The following PCBD2 variants were observed in gnomAD, a reference collection of about 807,000 sequenced individuals.
The protein encoded by PCBD2 is pterin-4 alpha-carbinolamine dehydratase 2.
PCBD2 carries 12 observed loss-of-function variants against 16.4 expected under a neutral mutation model. The ratio of observed to expected loss-of-function variants is 0.73; its 90% CI spans 0.47 to 1.19. The LOEUF (loss-of-function observed/expected upper bound fraction) is 1.19, where lower values mean the gene tolerates loss of function less well. Among genes scored for constraint, PCBD2 ranks in the 50% most tolerant of loss-of-function variants. PCBD2 has a pLI of 0.00. For synonymous variants in PCBD2, 58 were observed against 61.8 expected, an observed-to-expected ratio of 0.94 and a Z score of 0.29; for missense variants, 138 against 156.8, an observed-to-expected ratio of 0.88 and a Z score of 0.64.
At chr5:134,946,361 C>T (rs1372987870) in intron 2 of PCBD2, among the ~76,000 whole-genome samples, 1 of 152,138 alleles carries the variant, frequency 6.6e-6, no homozygotes, top group Non-Finnish European at 1.5e-5. Context: ...TGCTGGGCTT[C>T]TTGCTTGACA....
At chr5:134,908,638 C>G (rs1381104537) in intron 1 of PCBD2, among the ~76,000 whole-genome samples, 3 of 146,536 alleles carry the variant, frequency 2.0e-5, no homozygotes, top group Non-Finnish European at 4.5e-5. Flanking sequence ...GCACTCCAGC[C>G]TGGGTGACAG....
chr5:134,931,587 T>A (rs886652991), intron 2 of PCBD2, among the ~76,000 whole-genome samples: 1 of 152,206 alleles, frequency 6.6e-6, no homozygotes, highest in African/African-American at 2.4e-5. Flanking sequence ...TTAAAGAGCT[T>A]GCTCAAACTT....
intron 2 of PCBD2, among the ~76,000 whole-genome samples, chr5:134,954,149 TAGGGTCTCAC>T (rs1751390119): frequency 6.6e-6 from 1 of 152,104 alleles, no homozygotes; most frequent in Admixed American, 6.5e-5. Context: ...TTTGTAGAGA[TAGGGTCTCAC>T]TATGTTTCCC....
At chr5:134,949,119 C>T (rs1751331676) in intron 2 of PCBD2, among the ~76,000 whole-genome samples, 1 of 152,090 alleles carries the variant, frequency 6.6e-6, no homozygotes, top group African/African-American at 2.4e-5. Context: ...AGGCCTTTAG[C>T]CCCACTTCCT....
At chr5:134,954,501 C>T (rs559413191) in intron 2 of PCBD2, among the ~76,000 whole-genome samples, 2 of 152,162 alleles carry the variant, frequency 1.3e-5, no homozygotes, top group Non-Finnish European at 2.9e-5. Flanking sequence ...TATAGTTTCT[C>T]CATTCATCTC....
At chr5:134,919,888 T>C (rs903724683) in intron 2 of PCBD2, among the ~76,000 whole-genome samples, 1 of 152,190 alleles carries the variant, frequency 6.6e-6, no homozygotes, top group African/African-American at 2.4e-5. Context: ...TCCATAGTTG[T>C]GGTGCTTTAG....
chr5:134,925,290 G>A (rs143470238), intron 2 of PCBD2: 4 of 398,428 alleles, frequency 1.0e-5, no homozygotes, highest in African/African-American at 2.1e-5. Flanking sequence ...GGTCTTTGGA[G>A]TAGAAACCTG....
chr5:134,951,797 C>A (rs1751360664), intron 2 of PCBD2, among the ~76,000 whole-genome samples: 1 of 151,960 alleles, frequency 6.6e-6, no homozygotes, highest in Non-Finnish European at 1.5e-5. Context: ...TCTATTATGT[C>A]CTTTGCTCAT....
chr5:134,960,647 C>T lies in PCBD2; in HGVS notation c.359C>T (p.Ala120Val), dbSNP rs750736005. The change falls in exon 4 of 4, where the codon GCC becomes GTC. Residue 120 changes from alanine (A) to valine (V), a missense_variant. Transcript: ENST00000254908. ...GELTKKDVKL[A>V]KFIEKAAASV ...CTGACCAAAAAAGATGTGAAGCTGG[C>T]CAAGTTTATTGAAAAAGCAGCTGCT... 4.3e-6 allele frequency: 7 copies of T among 1,613,226 alleles called. No individual in the cohort carries two copies. Among genetic ancestry groups the T allele is most frequent in the Non-Finnish European group, 5.9e-6 (7 of 1,179,258 alleles).
chr5:134,960,712 C>CAT lies in PCBD2; in HGVS notation c.*32_*33insTA. ...TCCAAAATACATGTAAAATCTTGTA[C>CAT]ACATCTTAGCTGCAATGTATGTTGA... is the stretch of plus-strand genomic sequence containing the variant. On this transcript the variant is annotated 3_prime_UTR_variant, in exon 4 of 4. Coordinates refer to ENST00000254908, the MANE Select transcript of PCBD2 (RefSeq NM_032151.5). 1 of 1,487,718 alleles carries CAT rather than the reference C, an allele frequency of 6.7e-7. No homozygotes were observed. Among genetic ancestry groups the CAT allele is most frequent in the South Asian group, 1.2e-5 (1 of 86,758 alleles). The allele number at this position is 1,487,718 out of a possible 1,614,324, so 92.2% of individuals were successfully genotyped here. A position where few individuals can be genotyped will look rare whatever the true frequency, so the allele number is the denominator to read the frequency against.
Position 134,905,206 on chromosome 5 carries a change from C to T in PCBD2, c.67C>T (p.Leu23=), listed in dbSNP as rs1561904627. The T allele has an allele frequency of 4.9e-6, 6 of 1,224,270 alleles. No homozygotes were observed. Among genetic ancestry groups the T allele is most frequent in the Non-Finnish European group, 6.1e-6 (6 of 983,380 alleles). The allele number at this position is 1,224,270 out of a possible 1,614,324, so 75.8% of individuals were successfully genotyped here. A position where few individuals can be genotyped will look rare whatever the true frequency, so the allele number is the denominator to read the frequency against. The change falls in exon 1 of 4, where the codon CTA becomes TTA. Residue 23 remains leucine, a synonymous_variant. Coordinates refer to ENST00000254908, the MANE Select transcript of PCBD2 (RefSeq NM_032151.5). ...GTTGGCGGCGCTGCGAGGCCAGAGC[C>T]TAGGGCTAGCGGCCATGGTGAGTGC... The part of the protein sequence containing the change: ...RLLAALRGQS[L]GLAAMSSGTH...
chr5:134,925,449 G>A (rs1489812421), intron 2 of PCBD2: 6 of 398,344 alleles, frequency 1.5e-5, no homozygotes, highest in Admixed American at 4.4e-5. Flanking sequence ...TAAATAGTAT[G>A]GCTTTGAAGA....
chr5:134,910,490 G>A (rs1434014752), intron 2 of PCBD2, 24 bp downstream of exon 2: 2 of 1,612,708 alleles, frequency 1.2e-6, no homozygotes, highest in African/African-American at 1.3e-5. Flanking sequence ...ATTCTTGCTA[G>A]GGCTGTGGTC....
intron 2 of PCBD2, chr5:134,925,531 A>C (rs941803180): frequency 5.0e-6 from 2 of 398,282 alleles, no homozygotes; most frequent in African/African-American, 4.1e-5. Flanking sequence ...TATAAGTCCT[A>C]GTTGGCTTGA....
At chr5:134,909,042 T>C (rs1395242389) in intron 1 of PCBD2, 1 of 152,276 alleles carries the variant, frequency 6.6e-6, no homozygotes, top group Non-Finnish European at 1.5e-5. Flanking sequence ...AACCCTGCTT[T>C]CCTGACTTCT....
At chr5:134,955,457 G>A (rs1221989922) in intron 2 of PCBD2, among the ~76,000 whole-genome samples, 12 of 151,564 alleles carry the variant, frequency 7.9e-5, no homozygotes, top group Non-Finnish European at 2.9e-5. Context: ...ACAGGCACAC[G>A]CCACCATGCC....
chr5:134,909,372 A>T (rs1046532102), intron 1 of PCBD2, among the ~76,000 whole-genome samples: 2 of 152,210 alleles, frequency 1.3e-5, no homozygotes, highest in Admixed American at 6.5e-5. Flanking sequence ...ATCCTATGTA[A>T]ATGTGCATTT....
chr5:134,940,126 T>C (rs549476929), intron 2 of PCBD2, among the ~76,000 whole-genome samples: 37 of 152,194 alleles, frequency 2.4e-4, no homozygotes, highest in Non-Finnish European at 4.9e-4. Flanking sequence ...CCTTTCTCTA[T>C]CTGTGGACTT....
chr5:134,919,810 T>G (rs770467442), intron 2 of PCBD2, among the ~76,000 whole-genome samples: 3 of 152,210 alleles, frequency 2.0e-5, no homozygotes, highest in Admixed American at 6.5e-5. Flanking sequence ...CTGTTTTTCG[T>G]TAGTATGCCT....
Sources: allele counts gnomAD v4.1 joint callset (sites outside exome capture counted in the v4.1 genomes callset), GRCh38; gene constraint gnomAD v4.1.1; transcripts MANE v1.5; gene names NCBI Gene and HGNC (gene_info 2026-07-23, HGNC 2026-07-21).